IRF8: variants seen among roughly 807,000 people sequenced by gnomAD.
The protein encoded by IRF8 is interferon consensus sequence binding protein 1.
A neutral mutation model predicts 48.7 loss-of-function variants in IRF8; 14 were observed. The observed-to-expected ratio is 0.29, with a 90% CI of 0.19 to 0.45. The LOEUF (loss-of-function observed/expected upper bound fraction) is 0.45. Ranked by LOEUF, IRF8 falls within the 20% of genes least tolerant of loss-of-function variation. IRF8 has a pLI of 1.00. For missense variants in IRF8, 493 were observed against 580.7 expected (o/e 0.85, Z 1.55); for synonymous variants, 278 against 227.3 (o/e 1.22, Z -2.01).
intron 5 of IRF8, chr16:85,914,047 G>A: frequency 8.0e-6 from 2 of 248,706 alleles, no homozygotes; most frequent in South Asian, 9.7e-5. Context: ...CGAGTAAGAG[G>A]TCCCTGGAAA....
chr16:85,918,250 TA>T (rs1905384962), intron 6 of IRF8, 166 bp from the exon 7 acceptor site: 2 of 730,790 alleles, frequency 2.7e-6, no homozygotes, highest in Non-Finnish European at 2.2e-6. Flanking sequence ...TTCATGCATA[TA>T]AAAACATTAC....
In IRF8 at chr16:85,921,070, C is replaced by CGGCTCT. The variant is rs1567478909; in HGVS notation, c.1105-35_1105-34insGCTCTG. 2.5e-6 allele frequency: 4 copies of CGGCTCT among 1,584,440 alleles called. No individual in the cohort carries two copies. The South Asian group carries it at 4.5e-5, about 18-fold the overall frequency. ...CAGTGCCCACCCCCTTTGGAGCCTC[C>CGGCTCT]GCCTCTGCCTCTGACTTTCTGCACC... is the stretch of plus-strand genomic sequence containing the variant. On this transcript the variant is annotated intron_variant, in intron 8 of 8. Transcript: ENST00000268638.
intron 1 of IRF8, 147 bp from the exon 2 acceptor site, chr16:85,902,868 G>C: frequency 1.2e-6 from 1 of 809,964 alleles, no homozygotes; most frequent in Non-Finnish European, 2.1e-6. Flanking sequence ...CTCATGGCAG[G>C]TGTCCCGGAG....
intron 2 of IRF8, 88 bp downstream of exon 2, chr16:85,903,277 A>G (rs906746712): frequency 7.9e-7 from 1 of 1,266,510 alleles, no homozygotes; most frequent in African/African-American, 1.5e-5. Flanking sequence ...CATCTTTCTC[A>G]TTTACTTAAA....
rs1215596372 is a variant in IRF8 at position 85,921,464 on chromosome 16, C to T, written c.*182C>T. The T allele has an allele frequency of 1.5e-6, 1 of 686,766 alleles. No homozygotes were observed. Among genetic ancestry groups the T allele is most frequent in the South Asian group, 1.7e-5 (1 of 59,820 alleles). 42.5% of individuals were successfully genotyped at this position (686,766 alleles called of 1,614,324 possible). On this transcript the variant is annotated 3_prime_UTR_variant, in exon 9 of 9. Coordinates refer to ENST00000268638, the MANE Select transcript of IRF8 (RefSeq NM_002163.4). ...TTTAATACGAAGTGGCGGCATAGCC[C>T]TGCCGAGATGTCGGTGATGGCCTGG...
At chr16:85,911,461 C>CTA in intron 3 of IRF8, 109 bp from the exon 4 acceptor site, 1 of 932,000 alleles carries the variant, frequency 1.1e-6, no homozygotes, top group South Asian at 1.4e-5. Context: ...AAGACACTCA[C>CTA]TAACTTAATG....
rs374013294 is a variant in IRF8 at position 85,913,095 on chromosome 16, C to A, written c.448-36C>A. 5 of 1,459,586 alleles carry A rather than the reference C, an allele frequency of 3.4e-6. No individual in the cohort carries two copies. In the African/African-American group the frequency reaches 5.6e-5, roughly 16 times the overall value. The allele number at this position is 1,459,586 out of a possible 1,614,324, so 90.4% of individuals were successfully genotyped here. ...GGAGCCCCAGGTGGGAGATCAGTGACTGAGCTGCCCTCCTCTCCCTCCCCT... is the reference window on the plus strand; with the variant it reads ...GGAGCCCCAGGTGGGAGATCAGTGAATGAGCTGCCCTCCTCTCCCTCCCCT... On this transcript the variant is annotated intron_variant, in intron 4 of 8. Coordinates refer to ENST00000268638, the MANE Select transcript of IRF8 (RefSeq NM_002163.4).
At chr16:85,903,381 C>G (rs1268298193) in intron 2 of IRF8, 192 bp downstream of exon 2, 1 of 607,756 alleles carries the variant, frequency 1.6e-6, no homozygotes, top group Admixed American at 2.8e-5. Flanking sequence ...TTTTGAATTA[C>G]GGAGTCACTT....
intron 5 of IRF8, 51 bp downstream of exon 5, chr16:85,913,287 C>A: frequency 7.8e-7 from 1 of 1,286,612 alleles, no homozygotes; most frequent in Non-Finnish European, 1.1e-6. Flanking sequence ...GAAGGGTTTA[C>A]GGCATTCCAC....
chr16:85,911,764 G>A (rs558340697), intron 4 of IRF8, 106 bp downstream of exon 4: 5 of 914,334 alleles, frequency 5.5e-6, no homozygotes, highest in East Asian at 5.2e-5. Flanking sequence ...CCAGACCCTC[G>A]GGCTCGCTGA....
chr16:85,902,874 C>T (rs981023302), intron 1 of IRF8, 141 bp from the exon 2 acceptor site: 12 of 855,228 alleles, frequency 1.4e-5, no homozygotes, highest in South Asian at 2.7e-5. Context: ...GCAGGTGTCC[C>T]GGAGTCCCTG....
At chr16:85,902,532 C>T (rs1486618869) in intron 1 of IRF8, among the ~76,000 whole-genome samples, 1 of 152,214 alleles carries the variant, frequency 6.6e-6, no homozygotes, top group Non-Finnish European at 1.5e-5. Flanking sequence ...TCCTCTTTCC[C>T]AGACGGCACG....
intron 1 of IRF8, among the ~76,000 whole-genome samples, chr16:85,901,637 C>CTCA: frequency 6.6e-6 from 1 of 152,232 alleles, no homozygotes; most frequent in Non-Finnish European, 1.5e-5. Flanking sequence ...AAAAATTGAA[C>CTCA]TCATCCCCTT....
rs1017338988 is a variant in IRF8, at chr16:85,921,471, G to C, written c.*189G>C. 22 of 654,946 alleles carry C rather than the reference G, an allele frequency of 3.4e-5. No homozygotes were observed. The Admixed American group carries it at 5.2e-4, about 15-fold the overall frequency. The allele number at this position is 654,946 out of a possible 1,614,324, so 40.6% of individuals were successfully genotyped here. On this transcript the variant is annotated 3_prime_UTR_variant, in exon 9 of 9. Coordinates refer to ENST00000268638, the MANE Select transcript of IRF8 (RefSeq NM_002163.4). ...CGAAGTGGCGGCATAGCCCTGCCGAGATGTCGGTGATGGCCTGGATGCTGT... is the reference window on the plus strand; with the variant it reads ...CGAAGTGGCGGCATAGCCCTGCCGACATGTCGGTGATGGCCTGGATGCTGT...
chr16:85,920,376 T>C (rs1905511257), intron 8 of IRF8, 152 bp downstream of exon 8: 3 of 634,408 alleles, frequency 4.7e-6, no homozygotes, highest in Non-Finnish European at 8.3e-6. Context: ...CCTCCCGAGT[T>C]GCTGGGACTA....
At position 85,909,033 on chromosome 16, in the gene IRF8, C is replaced by T. The variant is rs771805067; in HGVS notation, c.218C>T (p.Ala73Val). Residue 73 changes from alanine (A) to valine (V), a missense_variant, in exon 3 of 9, where the codon GCT becomes GTT. Around this residue, in one of 3 missense-constraint regions of IRF8, gnomAD observed 31 missense variants for 71.2 expected, o/e 0.44. Transcript: ENST00000268638. ...GGGAAGTTTAAAGAAGGGGACAAAG[C>T]TGAACCAGCCACTTGGAAGACGAGG... ...FKGKFKEGDK[A>V]EPATWKTRLR... 6.2e-7 allele frequency: 1 copy of T among 1,614,128 alleles called. No individual in the cohort carries two copies. The highest frequency in any genetic ancestry group is 1.7e-5 in the Admixed American group (1 of 60,026).
chr16:85,911,161 C>T (rs1171575595), intron 3 of IRF8, among the ~76,000 whole-genome samples: 2 of 152,212 alleles, frequency 1.3e-5, no homozygotes, highest in African/African-American at 2.4e-5. Flanking sequence ...ACAAAAAAGA[C>T]CCCAACCTGC....
At chr16:85,910,779 C>T (rs558478258) in intron 3 of IRF8, among the ~76,000 whole-genome samples, 2 of 152,374 alleles carry the variant, frequency 1.3e-5, no homozygotes. Flanking sequence ...ACTTCCCCAT[C>T]AGTAGCTTCT....
Position 85,903,012 on chromosome 16 carries a change from A to G in IRF8, c.-1-3A>G. On this transcript the variant is annotated splice_polypyrimidine_tract_variant and splice_region_variant and intron_variant, in intron 1 of 8. Transcript: ENST00000268638. ...TCACAGCGTGTATTTCTGTCTTTCC[A>G]AGGATGTGTGACCGGAATGGTGGTC... The G allele has an allele frequency of 3.7e-6, 6 of 1,614,064 alleles. No homozygotes were observed. The highest frequency in any genetic ancestry group is 5.1e-6 in the Non-Finnish European group (6 of 1,179,950).
Sources: gnomAD v4.1 joint callset for allele counts (sites outside exome capture counted in the v4.1 genomes callset) on GRCh38, gnomAD v4.1.1 for gene constraint, gnomAD v4.1.1 regional missense constraint, MANE v1.5 for transcripts, NCBI Gene and HGNC (gene_info 2026-07-23, HGNC 2026-07-21) for gene names.